The following GPATCH2 variants were observed in gnomAD, a reference collection of about 807,000 sequenced individuals.
GPATCH2 encodes the protein G patch domain-containing protein 2.
In GPATCH2, 51 loss-of-function variants were observed where a neutral mutation model predicts 58.0. That is an observed-to-expected ratio of 0.88 (90% CI 0.70 to 1.11). GPATCH2 has a LOEUF of 1.11. Ranked by LOEUF, GPATCH2 falls within the 50% of genes most tolerant of loss-of-function variation. The pLI is 0.00. For missense variants in GPATCH2, 625 were observed against 652.2 expected (o/e 0.96, Z 0.45); for synonymous variants, 222 against 218.5 (o/e 1.02, Z -0.14).
At position 217,620,130 on chromosome 1, in the gene GPATCH2, T is replaced by C. The variant is rs1397823963; in HGVS notation, c.426A>G (p.Leu142=). ...LNNNVRGKRP[L]WHESDFAVDN... is the part of the protein sequence containing the mutation. ...CCACAGCAAAATCAGACTCATGCCA[T>C]AGAGGTCTTTTCCCTCGAACATTAT... is the stretch of plus-strand genomic sequence containing the variant. Residue 142 remains leucine (L), a synonymous_variant, in exon 2 of 10, where the codon CTA becomes CTG. Transcript: ENST00000366935. The C allele has an allele frequency of 1.2e-6, 2 of 1,614,044 alleles. No individual in the cohort carries two copies. Among genetic ancestry groups the C allele is most frequent in the Admixed American group, 1.7e-5 (1 of 60,000 alleles).
chr1:217,631,038 G>A lies in GPATCH2; in HGVS notation c.-67C>T. 14 of 1,427,338 alleles carry A rather than the reference G, an allele frequency of 9.8e-6. No individual in the cohort carries two copies. The South Asian group carries it at 1.3e-4, about 14-fold the overall frequency. 88.4% of individuals were successfully genotyped at this position (1,427,338 alleles called of 1,614,324 possible). On this transcript the variant is annotated 5_prime_UTR_variant, in exon 1 of 10. Transcript: ENST00000366935. ...AACAGACTCCAACTACAACAGCACC[G>A]GCGACTTCCAAAGAGCAGTTCAGCA...
intron 8 of GPATCH2, among the ~76,000 whole-genome samples, chr1:217,454,598 A>AC (rs1168624249): frequency 6.7e-6 from 1 of 150,158 alleles, no homozygotes; most frequent in Non-Finnish European, 1.5e-5. Flanking sequence ...CAAAAAAAAA[A>AC]AAAAAAAAAA....
At chr1:217,584,930 G>A (rs1667267948) in intron 5 of GPATCH2, among the ~76,000 whole-genome samples, 2 of 151,280 alleles carry the variant, frequency 1.3e-5, no homozygotes, top group South Asian at 4.2e-4. Flanking sequence ...AAAACAAAAG[G>A]ACCCAGAAAG....
chr1:217,578,564 A>T (rs1425397335), intron 5 of GPATCH2, among the ~76,000 whole-genome samples: 1 of 152,138 alleles, frequency 6.6e-6, no homozygotes, highest in Non-Finnish European at 1.5e-5. Flanking sequence ...CCTATTGATG[A>T]GTTCACTAAG....
intron 5 of GPATCH2, among the ~76,000 whole-genome samples, chr1:217,572,000 A>AGAAG (rs71166011): frequency 0.17 from 23,040 of 135,032 alleles, 2,230 homozygotes; most frequent in Non-Finnish European, 0.22. Context: ...AAGGAAGGAA[A>AGAAG]GAAGGAAGGA....
At chr1:217,548,844 G>GT (rs1310409510) in intron 5 of GPATCH2, among the ~76,000 whole-genome samples, 1 of 152,122 alleles carries the variant, frequency 6.6e-6, no homozygotes, top group African/African-American at 2.4e-5. Flanking sequence ...ATGATTGTAA[G>GT]TTTCCTGAGG....
At chr1:217,493,036 G>T (rs1040153380) in intron 7 of GPATCH2, among the ~76,000 whole-genome samples, 1 of 152,108 alleles carries the variant, frequency 6.6e-6, no homozygotes, top group Non-Finnish European at 1.5e-5. Context: ...TTTCAGGAAC[G>T]TCTGAACTAA....
At chr1:217,585,996 A>T (rs1459074273) in intron 5 of GPATCH2, among the ~76,000 whole-genome samples, 2 of 152,190 alleles carry the variant, frequency 1.3e-5, no homozygotes, top group Non-Finnish European at 2.9e-5. Context: ...TATAATAAAA[A>T]ATATGATATA....
At position 217,429,185 on chromosome 1, in the gene GPATCH2, C is replaced by A. The variant is rs191799168; in HGVS notation, c.*1960G>T. 6.6e-6 allele frequency: 1 copy of A among 151,974 alleles called. No individual in the cohort carries two copies. The highest frequency in any genetic ancestry group is 1.5e-5 in the Non-Finnish European group (1 of 67,988). 9.4% of individuals were successfully genotyped at this position (151,974 alleles called of 1,614,324 possible). On this transcript the variant is annotated 3_prime_UTR_variant, in exon 10 of 10. Transcript: ENST00000366935. The stretch of plus-strand genomic sequence containing the variant: ...AGTTTTAAAACTTGTATATAATCTC[C>A]CCCCGGCTACATAGACAGAATGAGC...
At chr1:217,583,608 T>C (rs1203559800) in intron 5 of GPATCH2, among the ~76,000 whole-genome samples, 1 of 141,660 alleles carries the variant, frequency 7.1e-6, no homozygotes, top group Non-Finnish European at 1.5e-5. Context: ...AGACTAATAA[T>C]AAACAAGAAG....
chr1:217,431,668 G>T (rs1658540623), intron 9 of GPATCH2, among the ~76,000 whole-genome samples: 1 of 152,156 alleles, frequency 6.6e-6, no homozygotes, highest in Non-Finnish European at 1.5e-5. Flanking sequence ...ACAGAACTTT[G>T]TAGGACAGAT....
At chr1:217,529,572 G>A (rs1304435119) in intron 5 of GPATCH2, among the ~76,000 whole-genome samples, 1 of 152,160 alleles carries the variant, frequency 6.6e-6, no homozygotes, top group Non-Finnish European at 1.5e-5. Flanking sequence ...AGAAGACAGT[G>A]CGGTACCCTT....
chr1:217,445,202 T>C (rs1027022687), intron 9 of GPATCH2, among the ~76,000 whole-genome samples: 3 of 152,120 alleles, frequency 2.0e-5, no homozygotes, highest in Non-Finnish European at 2.9e-5. Flanking sequence ...TGACTCCTTA[T>C]AATAAATATT....
In GPATCH2 at chr1:217,464,668, C is replaced by T. The variant is rs569973786; in HGVS notation, c.1278-15331G>A. On this transcript the variant is annotated intron_variant, in intron 8 of 9. Transcript: ENST00000366935. ...GAGGCCAAGGGGAAAAGGAAACAGA[C>T]GGTCTTAATAAAAATATTGAGAGGA... Among the ~76,000 whole-genome samples, 40 of 152,108 alleles carry T rather than the reference C, an allele frequency of 2.6e-4. 1 individual carries two copies. Among genetic ancestry groups the T allele is most frequent in the Admixed American group, 1.1e-3 (17 of 15,274 alleles).
At chr1:217,479,298 T>A (rs1661108527) in intron 8 of GPATCH2, among the ~76,000 whole-genome samples, 1 of 152,034 alleles carries the variant, frequency 6.6e-6, no homozygotes. Context: ...GATGAATGAA[T>A]AAAAAATAAT....
intron 5 of GPATCH2, among the ~76,000 whole-genome samples, chr1:217,592,779 C>A (rs149362697): frequency 1.2e-3 from 181 of 151,940 alleles, no homozygotes; most frequent in African/African-American, 4.2e-3. Flanking sequence ...TAGAATATAG[C>A]TTCCTTTTAA....
intron 8 of GPATCH2, among the ~76,000 whole-genome samples, chr1:217,479,707 A>T (rs920378427): frequency 4.6e-5 from 7 of 152,202 alleles, no homozygotes; most frequent in African/African-American, 1.7e-4. Context: ...TCCAGTTAAT[A>T]GACAGAGAAT....
intron 8 of GPATCH2, among the ~76,000 whole-genome samples, chr1:217,473,486 T>C (rs1660829489): frequency 6.6e-6 from 1 of 152,092 alleles, no homozygotes; most frequent in African/African-American, 2.4e-5. Context: ...TTTCCCGAAT[T>C]GTCATCATGG....
intron 5 of GPATCH2, among the ~76,000 whole-genome samples, chr1:217,516,167 C>A (rs1030926218): frequency 6.6e-6 from 1 of 151,416 alleles, no homozygotes; most frequent in African/African-American, 2.4e-5. Context: ...ATGAATCTAT[C>A]AGTCACAAAT....
Sources: allele counts gnomAD v4.1 joint callset (sites outside exome capture counted in the v4.1 genomes callset), GRCh38; gene constraint gnomAD v4.1.1; transcripts MANE v1.5; gene names NCBI Gene and HGNC (gene_info 2026-07-23, HGNC 2026-07-21).